CDH2: variants seen among roughly 807,000 people sequenced by gnomAD.
The protein encoded by CDH2 is cadherin 2, also known as cadherin-2.
A neutral mutation model predicts 92.0 loss-of-function variants in CDH2; 17 were observed. That is an observed-to-expected ratio of 0.18 (90% CI 0.13 to 0.28). The LOEUF (loss-of-function observed/expected upper bound fraction) is 0.28. Ranked by LOEUF, CDH2 falls within the 10% of genes least tolerant of loss-of-function variation. CDH2 has a pLI of 1.00. For missense variants in CDH2, 862 were observed against 1,133.1 expected (o/e 0.76, Z 3.44); for synonymous variants, 419 against 415.9 (o/e 1.01, Z -0.09).
intron 2 of CDH2, among the ~76,000 whole-genome samples, chr18:28,140,102 A>G (rs917877678): frequency 1.3e-5 from 2 of 151,986 alleles, no homozygotes; most frequent in Non-Finnish European, 2.9e-5. Flanking sequence ...TCTATCTTCA[A>G]ACATATTCAG....
intron 2 of CDH2, among the ~76,000 whole-genome samples, chr18:28,073,029 T>C (rs1354691136): frequency 1.3e-5 from 2 of 152,098 alleles, no homozygotes; most frequent in Admixed American, 6.6e-5. Context: ...ATAAATTACA[T>C]AGACGGTGGC....
chr18:27,992,877 TGGACCACTGAA>T (rs1567953891), intron 8 of CDH2, 37 bp from the exon 9 acceptor site: 1 of 1,537,104 alleles, frequency 6.5e-7, no homozygotes, highest in Non-Finnish European at 8.9e-7. Context: ...AGGAGGGGCA[TGGACCACTGAA>T]GGACAACTTG....
rs540866390 is a variant in CDH2, at chr18:28,088,775, C to T, written c.172+58898G>A. Reference sequence around the variant, plus strand: ...AAGTCAAGTGTTGCTAAACTGGGGGCCTTCTATGCATAGCAAAAGATAGAC... The same window carrying T: ...AAGTCAAGTGTTGCTAAACTGGGGGTCTTCTATGCATAGCAAAAGATAGAC... On this transcript the variant is annotated intron_variant, in intron 2 of 15. Transcript: ENST00000269141. Among the ~76,000 whole-genome samples the T allele has an allele frequency of 4.6e-5, 7 of 152,164 alleles. No homozygotes were observed. In the South Asian group the frequency reaches 1.2e-3, roughly 27 times the overall value.
At chr18:28,088,311 T>C (rs2014973429) in intron 2 of CDH2, among the ~76,000 whole-genome samples, 1 of 152,192 alleles carries the variant, frequency 6.6e-6, no homozygotes. Flanking sequence ...GTAGACATAG[T>C]CTTTGCCCCT....
rs539135657 is a variant in CDH2 at position 28,088,360 on chromosome 18, A to G, written c.172+59313T>C. Among the ~76,000 whole-genome samples the G allele has an allele frequency of 2.0e-5, 3 of 152,330 alleles. No homozygotes were observed. In the East Asian group the frequency reaches 5.8e-4, roughly 29 times the overall value. On this transcript the variant is annotated intron_variant, in intron 2 of 15. Transcript: ENST00000269141. ...CTAATGTGAGAAATAAAACATACGT[A>G]AGCCCTGAACACGCAAATGAGTTTT...
chr18:27,993,209 T>C (rs1448573516), intron 8 of CDH2, among the ~76,000 whole-genome samples: 1 of 152,222 alleles, frequency 6.6e-6, no homozygotes, highest in Non-Finnish European at 1.5e-5. Context: ...ATGCAGCTCA[T>C]GCACCTGAAA....
intron 6 of CDH2, among the ~76,000 whole-genome samples, chr18:27,936,228 C>A (rs1909016110): frequency 6.6e-6 from 1 of 152,132 alleles, no homozygotes; most frequent in Non-Finnish European, 1.5e-5. Context: ...CTTTTATATA[C>A]CTTTTCCTTT....
In CDH2 at chr18:27,983,051, G is replaced by A. The variant is rs199937130; in HGVS notation, c.2242C>T (p.Arg748Cys). 1.9e-5 allele frequency: 30 copies of A among 1,612,178 alleles called. No individual in the cohort carries two copies. Among genetic ancestry groups the A allele is most frequent in the Non-Finnish European group, 1.7e-5 (20 of 1,178,808 alleles). The change falls in exon 14 of 16, where the codon CGC becomes TGC. Residue 748 changes from arginine to cysteine, a missense_variant. This residue lies in a region of CDH2 where 564 missense variants were observed against 722.2 expected (regional missense o/e 0.78). Coordinates refer to ENST00000269141, the MANE Select transcript of CDH2 (RefSeq NM_001792.5). ...TTGGCCTGGCGTTCTTTATCCCGGC[G>A]TTTCATCCATACCACAAACATCAGC... ...LVLMFVVWMK[R>C]RDKERQAKQL...
At chr18:28,132,258 C>G (rs530882373) in intron 2 of CDH2, among the ~76,000 whole-genome samples, 1 of 152,340 alleles carries the variant, frequency 6.6e-6, no homozygotes, top group African/African-American at 2.4e-5. Context: ...TCATCTCACG[C>G]TGCCTTACAC....
intron 7 of CDH2, among the ~76,000 whole-genome samples, chr18:28,002,166 C>T (rs1488504993): frequency 6.6e-6 from 1 of 152,096 alleles, no homozygotes; most frequent in Non-Finnish European, 1.5e-5. Flanking sequence ...AGAATATGAG[C>T]AGTGCTTGAA....
intron 2 of CDH2, among the ~76,000 whole-genome samples, chr18:28,133,214 T>C (rs1290653303): frequency 6.6e-6 from 1 of 152,124 alleles, no homozygotes; most frequent in Non-Finnish European, 1.5e-5. Context: ...TTTAAAACTG[T>C]TTACATCTGA....
chr18:28,141,555 T>C (rs1262451196), intron 2 of CDH2, among the ~76,000 whole-genome samples: 1 of 152,076 alleles, frequency 6.6e-6, no homozygotes, highest in Non-Finnish European at 1.5e-5. Flanking sequence ...GTTCAGAATC[T>C]AATCCCTTCT....
chr18:28,154,660 T>G (rs2016181318), intron 1 of CDH2, among the ~76,000 whole-genome samples: 1 of 152,166 alleles, frequency 6.6e-6, no homozygotes, highest in Non-Finnish European at 1.5e-5. Flanking sequence ...TCTTTTCGGT[T>G]CCCGTTCTCA....
At chr18:27,993,706 A>C in intron 7 of CDH2, 69 bp from the exon 8 acceptor site, 1 of 1,203,850 alleles carries the variant, frequency 8.3e-7, no homozygotes, top group Non-Finnish European at 1.2e-6. Context: ...GTTGTTCTGT[A>C]AACGGCTCTT....
At chr18:28,159,065 A>G (rs1285214470) in intron 1 of CDH2, 1 of 152,236 alleles carries the variant, frequency 6.6e-6, no homozygotes, top group Non-Finnish European at 1.5e-5. Context: ...AGAACTCAAT[A>G]ATTTTTTAAG....
chr18:27,962,866 C>CACTT (rs1354075444), intron 15 of CDH2, among the ~76,000 whole-genome samples: 2 of 152,166 alleles, frequency 1.3e-5, no homozygotes, highest in African/African-American at 4.8e-5. Context: ...GTCCTTAAAT[C>CACTT]ACTTACATAA....
At chr18:28,102,914 T>TG (rs1221684932) in intron 2 of CDH2, among the ~76,000 whole-genome samples, 1 of 150,986 alleles carries the variant, frequency 6.6e-6, no homozygotes, top group African/African-American at 2.4e-5. Context: ...TTTCAGATTA[T>TG]GAAAAAAAAA....
intron 2 of CDH2, among the ~76,000 whole-genome samples, chr18:28,078,539 C>G (rs1387055384): frequency 6.6e-6 from 1 of 152,030 alleles, no homozygotes. Context: ...GACAAAGTAC[C>G]AACTCCTAAC....
chr18:27,981,199 G>C (rs2012041058), intron 14 of CDH2, among the ~76,000 whole-genome samples: 1 of 151,988 alleles, frequency 6.6e-6, no homozygotes, highest in African/African-American at 2.4e-5. Context: ...CTGGGTTTTA[G>C]GTTTATGCCT....
Sources: allele counts gnomAD v4.1 joint callset (sites outside exome capture counted in the v4.1 genomes callset), GRCh38; gene constraint gnomAD v4.1.1; regional missense constraint gnomAD v4.1.1; transcripts MANE v1.5; gene names NCBI Gene and HGNC (gene_info 2026-07-23, HGNC 2026-07-21).